The following KCNQ5 variants were observed in gnomAD, a reference collection of about 807,000 sequenced individuals.
The protein encoded by KCNQ5 is potassium voltage-gated channel subfamily Q member 5.
Under a neutral mutation model 98.2 loss-of-function variants are expected in KCNQ5, and 30 were observed. The observed-to-expected ratio is 0.31, with a 90% CI of 0.23 to 0.41. The LOEUF is 0.41. Among genes scored for constraint, KCNQ5 ranks in the 10% least tolerant of loss-of-function variants. The pLI, the probability that KCNQ5 is intolerant of heterozygous loss-of-function variation, is 1.00. For synonymous variants in KCNQ5, 458 were observed against 449.4 expected, an observed-to-expected ratio of 1.02 and a Z score of -0.24; for missense variants, 835 against 1,182.5, an observed-to-expected ratio of 0.71 and a Z score of 4.31.
chr6:72,900,306 A>ACATATATATATATCCCATCT, intron 1 of KCNQ5, among the ~76,000 whole-genome samples: 1 of 150,640 alleles, frequency 6.6e-6, no homozygotes, highest in African/African-American at 2.4e-5. Flanking sequence ...ATGTCTGAGT[A>ACATATATATATATCCCATCT]CATATATATA....
At chr6:73,030,092 C>T (rs946397271) in intron 2 of KCNQ5, among the ~76,000 whole-genome samples, 1 of 151,830 alleles carries the variant, frequency 6.6e-6, no homozygotes, top group African/African-American at 2.4e-5. Context: ...ATAAAAGAGA[C>T]TGCATATATT....
chr6:73,178,597 G>T (rs1163086365), intron 11 of KCNQ5, among the ~76,000 whole-genome samples: 1 of 151,800 alleles, frequency 6.6e-6, no homozygotes, highest in Non-Finnish European at 1.5e-5. Flanking sequence ...TGCCCCTACA[G>T]TGAGAATATC....
At chr6:72,858,746 A>T (rs1385505261) in intron 1 of KCNQ5, among the ~76,000 whole-genome samples, 3 of 152,018 alleles carry the variant, frequency 2.0e-5, no homozygotes, top group Admixed American at 2.0e-4. Flanking sequence ...GATGTTCTCC[A>T]GTTCTGTATC....
In KCNQ5 at chr6:73,133,449, C is replaced by T. The variant is rs920140431; in HGVS notation, c.1276C>T (p.Arg426Cys). The change falls in exon 10 of 14, where the codon CGC (arginine) becomes TGC (cysteine). Residue 426 changes from arginine to cysteine, a missense_variant. This residue lies in a region of KCNQ5 where 146 missense variants were observed against 256.7 expected (regional missense o/e 0.57). Transcript: ENST00000370398. Reference sequence around the variant, plus strand: ...GAAGCTAAGTTTTAAGGAGCGAGTGCGCATGGCTAGCCCCAGGGGCCAGAG... The same window carrying T: ...GAAGCTAAGTTTTAAGGAGCGAGTGTGCATGGCTAGCCCCAGGGGCCAGAG... The part of the protein sequence containing the change: ...SQKLSFKERV[R>C]MASPRGQSIK... 2 of 1,614,084 alleles carry T rather than the reference C, an allele frequency of 1.2e-6. No homozygotes were observed. Among genetic ancestry groups the T allele is most frequent in the Non-Finnish European group, 1.7e-6 (2 of 1,180,008 alleles).
intron 1 of KCNQ5, among the ~76,000 whole-genome samples, chr6:72,975,100 C>G (rs1467410529): frequency 6.6e-6 from 1 of 152,084 alleles, no homozygotes; most frequent in East Asian, 1.9e-4. Context: ...AACTATGCAC[C>G]TAAAACAGTA....
chr6:72,802,462 TAAAC>T (rs1035478988), intron 1 of KCNQ5, among the ~76,000 whole-genome samples: 3 of 152,122 alleles, frequency 2.0e-5, no homozygotes, highest in African/African-American at 7.2e-5. Flanking sequence ...TACAACAAAA[TAAAC>T]AATCCTCTTT....
intron 1 of KCNQ5, among the ~76,000 whole-genome samples, chr6:72,971,235 AC>A (rs1767882262): frequency 6.6e-6 from 1 of 152,252 alleles, no homozygotes; most frequent in Non-Finnish European, 1.5e-5. Flanking sequence ...GCCAAAAGAC[AC>A]ATGAAAAAAT....
intron 1 of KCNQ5, among the ~76,000 whole-genome samples, chr6:72,758,042 T>G (rs1360157480): frequency 1.3e-5 from 2 of 151,970 alleles, no homozygotes; most frequent in African/African-American, 4.8e-5. Context: ...TCAGTCTAAG[T>G]GCTGCAGGAG....
intron 2 of KCNQ5, among the ~76,000 whole-genome samples, chr6:73,018,330 C>A (rs1165552324): frequency 6.6e-6 from 1 of 151,924 alleles, no homozygotes; most frequent in Non-Finnish European, 1.5e-5. Context: ...GGCAGGGATG[C>A]GCATACAACT....
chr6:72,811,303 T>C (rs1026263869), intron 1 of KCNQ5, among the ~76,000 whole-genome samples: 5 of 152,248 alleles, frequency 3.3e-5, no homozygotes, highest in African/African-American at 1.2e-4. Flanking sequence ...TTTCTACCTG[T>C]TCCCAGACTA....
chr6:73,169,650 C>CT lies in KCNQ5; in HGVS notation c.1469-95dup, dbSNP rs1437975199. On this transcript the variant is annotated intron_variant, in intron 10 of 13. Coordinates refer to ENST00000370398, the MANE Select transcript of KCNQ5 (RefSeq NM_019842.4). ...ACATATCTTGGTTTATCAGCTTACT[C>CT]TGTGAGTATCCCGCCATTTCCACGT... 5 of 842,134 alleles carry CT rather than the reference C, an allele frequency of 5.9e-6. No homozygotes were observed. In the African/African-American group the frequency reaches 8.3e-5, roughly 14 times the overall value. The allele number at this position is 842,134 out of a possible 1,614,324, so 52.2% of individuals were successfully genotyped here.
chr6:72,772,635 G>T lies in KCNQ5; in HGVS notation c.398+150048G>T, dbSNP rs542383682. 2.0e-5 allele frequency among the ~76,000 whole-genome samples: 3 copies of T among 152,124 alleles called. No homozygotes were observed. In the South Asian group the frequency reaches 6.2e-4, roughly 32 times the overall value. ...AAAGTGCTATGCATCTAACATGTCA[G>T]CCGAAGCTAGCTCAAAATTCACTAA... On this transcript the variant is annotated intron_variant, in intron 1 of 13. Transcript: ENST00000370398.
chr6:72,680,525 A>G (rs545412377), intron 1 of KCNQ5, among the ~76,000 whole-genome samples: 13 of 152,196 alleles, frequency 8.5e-5, no homozygotes, highest in Middle Eastern at 3.4e-3. Flanking sequence ...CTGGAGAATG[A>G]TAACACTCTT....
chr6:72,794,347 GAA>G (rs200338857), intron 1 of KCNQ5, among the ~76,000 whole-genome samples: 15 of 134,536 alleles, frequency 1.1e-4, no homozygotes, highest in African/African-American at 3.2e-4. Context: ...AGAGGAGAGA[GAA>G]AAAAAAAAAA....
At chr6:73,080,008 G>T (rs1030293284) in intron 5 of KCNQ5, among the ~76,000 whole-genome samples, 2 of 152,190 alleles carry the variant, frequency 1.3e-5, no homozygotes, top group African/African-American at 2.4e-5. Context: ...GCAGTTGTTG[G>T]TGAGTTTAGC....
chr6:72,671,168 C>T (rs981195998), intron 1 of KCNQ5, among the ~76,000 whole-genome samples: 3 of 152,148 alleles, frequency 2.0e-5, no homozygotes. Context: ...GGCCTTCTCC[C>T]TTTTCTTTTG....
At chr6:72,999,615 A>T (rs959791279) in intron 1 of KCNQ5, among the ~76,000 whole-genome samples, 1 of 152,184 alleles carries the variant, frequency 6.6e-6, no homozygotes, top group African/African-American at 2.4e-5. Context: ...CTTAATTTTT[A>T]TGTGTGCCAT....
At chr6:72,660,654 C>T in intron 1 of KCNQ5, among the ~76,000 whole-genome samples, 1 of 152,212 alleles carries the variant, frequency 6.6e-6, no homozygotes, top group South Asian at 2.1e-4. Flanking sequence ...TTGCACTTCA[C>T]TCCTCATTAA....
chr6:72,777,242 T>C lies in KCNQ5; in HGVS notation c.398+154655T>C, dbSNP rs180981763. ...CTCAGATGGCTTAGTGGAAGTTAGA[T>C]TCGAGAAGGACAAGACATTACTGGG... On this transcript the variant is annotated intron_variant, in intron 1 of 13. Coordinates refer to ENST00000370398, the MANE Select transcript of KCNQ5 (RefSeq NM_019842.4). 3.9e-5 allele frequency among the ~76,000 whole-genome samples: 6 copies of C among 152,260 alleles called. No individual in the cohort carries two copies. In the East Asian group the frequency reaches 9.6e-4, roughly 24 times the overall value.
Sources: gnomAD v4.1 joint callset for allele counts (sites outside exome capture counted in the v4.1 genomes callset) on GRCh38, gnomAD v4.1.1 for gene constraint, gnomAD v4.1.1 regional missense constraint, MANE v1.5 for transcripts, NCBI Gene and HGNC (gene_info 2026-07-23, HGNC 2026-07-21) for gene names.